ACTR3: variants seen among roughly 807,000 people sequenced by gnomAD.
ACTR3 encodes the protein actin-related protein 3.
ACTR3 carries 12 observed loss-of-function variants against 56.8 expected under a neutral mutation model. The ratio of observed to expected loss-of-function variants is 0.21; its 90% CI spans 0.14 to 0.34. The LOEUF (loss-of-function observed/expected upper bound fraction) is 0.34, where lower values mean the gene tolerates loss of function less well. Ranked by LOEUF, ACTR3 falls within the 10% of genes least tolerant of loss-of-function variation. ACTR3 has a pLI of 1.00. For missense variants in ACTR3, 282 were observed against 512.5 expected, an observed-to-expected ratio of 0.55 and a Z score of 4.34; for synonymous variants, 162 against 167.4, an observed-to-expected ratio of 0.97 and a Z score of 0.25.
intron 1 of ACTR3, among the ~76,000 whole-genome samples, chr2:113,902,294 G>A (rs1574351305): frequency 6.6e-6 from 1 of 151,338 alleles, no homozygotes; most frequent in Non-Finnish European, 1.5e-5. Context: ...TAGTCACCAA[G>A]GCTTTGATAG....
At chr2:113,907,441 T>A (rs566755164) in intron 1 of ACTR3, among the ~76,000 whole-genome samples, 3 of 152,082 alleles carry the variant, frequency 2.0e-5, no homozygotes, top group African/African-American at 7.2e-5. Flanking sequence ...TTGTAGAGAT[T>A]TGGATCTTGA....
In ACTR3 at chr2:113,959,258, C is replaced by T. The variant is rs1021322593; in HGVS notation, c.*1803C>T. The T allele has an allele frequency of 5.3e-5, 8 of 151,860 alleles. No homozygotes were observed. Among genetic ancestry groups the T allele is most frequent in the Non-Finnish European group, 1.0e-4 (7 of 67,884 alleles). 9.4% of individuals were successfully genotyped at this position (151,860 alleles called of 1,614,324 possible). ...AAATAAATGTAGCTTTCTTATTTTACACAAATAGGAACTTACTGTATATAC... is the reference window on the plus strand; with the variant it reads ...AAATAAATGTAGCTTTCTTATTTTATACAAATAGGAACTTACTGTATATAC... On this transcript the variant is annotated 3_prime_UTR_variant, in exon 12 of 12. Coordinates refer to ENST00000263238, the MANE Select transcript of ACTR3 (RefSeq NM_005721.5).
intron 3 of ACTR3, among the ~76,000 whole-genome samples, chr2:113,921,196 T>C (rs1335274984): frequency 6.6e-6 from 1 of 152,222 alleles, no homozygotes; most frequent in Non-Finnish European, 1.5e-5. Context: ...TTTCTGGTTT[T>C]GATTTGCATT....
At position 113,940,682 on chromosome 2, in the gene ACTR3, A is replaced by G. The variant is rs953487185; in HGVS notation, c.684+580A>G. ...AAACTTATTATTTGCCACATAACCAAAAAATTTCAGTGGGTTTCACGTGTT... is the reference window on the plus strand; with the variant it reads ...AAACTTATTATTTGCCACATAACCAGAAAATTTCAGTGGGTTTCACGTGTT... On this transcript the variant is annotated intron_variant, in intron 7 of 11. Coordinates refer to ENST00000263238, the MANE Select transcript of ACTR3 (RefSeq NM_005721.5). 2.6e-5 allele frequency among the ~76,000 whole-genome samples: 4 copies of G among 152,086 alleles called. No homozygotes were observed. In the East Asian group the frequency reaches 7.7e-4, roughly 29 times the overall value.
intron 3 of ACTR3, among the ~76,000 whole-genome samples, chr2:113,926,455 T>C (rs1679621337): frequency 6.6e-6 from 1 of 152,220 alleles, no homozygotes; most frequent in South Asian, 2.1e-4. Context: ...TAATGAATAC[T>C]TGAGACTGAG....
At chr2:113,905,954 AACATGCATGTATAAGT>A (rs1161602155) in intron 1 of ACTR3, among the ~76,000 whole-genome samples, 8 of 152,224 alleles carry the variant, frequency 5.3e-5, no homozygotes, top group Non-Finnish European at 8.8e-5. Flanking sequence ...TGCTGCTATG[AACATGCATGTATAAGT>A]ACCTGTTCAA....
intron 3 of ACTR3, among the ~76,000 whole-genome samples, chr2:113,920,663 C>T (rs1679490922): frequency 6.6e-6 from 1 of 152,192 alleles, no homozygotes; most frequent in African/African-American, 2.4e-5. Context: ...CCCTTTCCAG[C>T]CTCTAGTAAC....
chr2:113,890,230 TAGCAGCACGGAGCAGACGGCGGC>T lies in ACTR3; in HGVS notation c.-42_-20del. The stretch of plus-strand genomic sequence containing the variant: ...TCTCCCGCCGCCAATCTCTGGCCCC[TAGCAGCACGGAGCAGACGGCGGC>T]AGCAGCAGCAGCAGGCGAGGAGGAA... On this transcript the variant is annotated 5_prime_UTR_variant, in exon 1 of 12. Transcript: ENST00000263238. 2.6e-6 allele frequency: 4 copies of T among 1,550,154 alleles called. No homozygotes were observed. The highest frequency in any genetic ancestry group is 3.5e-6 in the Non-Finnish European group (4 of 1,146,534).
intron 4 of ACTR3, among the ~76,000 whole-genome samples, 200 bp downstream of exon 4, chr2:113,927,655 C>T (rs1559475566): frequency 6.6e-6 from 1 of 152,088 alleles, no homozygotes; most frequent in Admixed American, 6.5e-5. Context: ...ACATGTTAAA[C>T]ACTTAAGAAG....
At chr2:113,897,898 C>A (rs1303659198) in intron 1 of ACTR3, among the ~76,000 whole-genome samples, 1 of 152,098 alleles carries the variant, frequency 6.6e-6, no homozygotes, top group Non-Finnish European at 1.5e-5. Context: ...AGGACATTAC[C>A]TAAACGTTTT....
intron 1 of ACTR3, among the ~76,000 whole-genome samples, chr2:113,900,828 C>G (rs1679086376): frequency 6.6e-6 from 1 of 152,180 alleles, no homozygotes; most frequent in Admixed American, 6.5e-5. Flanking sequence ...TGTTGACACA[C>G]AGAGTAGGCG....
At chr2:113,936,924 A>T (rs1354352808) in intron 6 of ACTR3, among the ~76,000 whole-genome samples, 24 of 152,080 alleles carry the variant, frequency 1.6e-4, no homozygotes, top group Admixed American at 1.5e-3. Context: ...TCCTCTTCTT[A>T]AGGACACCAC....
At chr2:113,912,289 G>C (rs757085722) in intron 1 of ACTR3, among the ~76,000 whole-genome samples, 30 of 152,026 alleles carry the variant, frequency 2.0e-4, no homozygotes, top group Non-Finnish European at 3.7e-4. Flanking sequence ...TTTGAATATG[G>C]AATAATATAA....
chr2:113,938,657 T>C (rs1679870185), intron 6 of ACTR3, among the ~76,000 whole-genome samples: 1 of 152,164 alleles, frequency 6.6e-6, no homozygotes, highest in South Asian at 2.1e-4. Flanking sequence ...TGAGCTCTGG[T>C]GGTGGTTCTG....
intron 1 of ACTR3, among the ~76,000 whole-genome samples, chr2:113,905,464 CA>C (rs72433119): frequency 0.054 from 6,372 of 119,036 alleles, 379 homozygotes; most frequent in African/African-American, 0.16. Context: ...GACTCCGTCT[CA>C]AAAAAAAAAA....
chr2:113,938,575 A>G (rs1195940504), intron 6 of ACTR3, among the ~76,000 whole-genome samples: 1 of 152,158 alleles, frequency 6.6e-6, no homozygotes, highest in Admixed American at 6.5e-5. Context: ...TGAGGACTCT[A>G]CTTCATGTCT....
chr2:113,938,133 CT>C (rs973680351), intron 6 of ACTR3, among the ~76,000 whole-genome samples: 19 of 151,570 alleles, frequency 1.3e-4, no homozygotes, highest in Non-Finnish European at 1.8e-4. Context: ...TAGTGTTTTT[CT>C]TTTCATCTGG....
At chr2:113,955,956 A>G (rs1363136427) in intron 11 of ACTR3, among the ~76,000 whole-genome samples, 4 of 152,086 alleles carry the variant, frequency 2.6e-5, no homozygotes, top group African/African-American at 9.7e-5. Context: ...CATGTTGGCT[A>G]GGTTACTCTT....
intron 5 of ACTR3, among the ~76,000 whole-genome samples, chr2:113,932,424 G>A (rs1177771053): frequency 6.6e-6 from 1 of 152,096 alleles, no homozygotes; most frequent in African/African-American, 2.4e-5. Flanking sequence ...ATAAACTTAT[G>A]TTTAACCATA....
Sources: gnomAD v4.1 joint callset for allele counts (sites outside exome capture counted in the v4.1 genomes callset) on GRCh38, gnomAD v4.1.1 for gene constraint, MANE v1.5 for transcripts, NCBI Gene and HGNC (gene_info 2026-07-23, HGNC 2026-07-21) for gene names.